The following MYO18B variants were observed in gnomAD, a reference collection of about 807,000 sequenced individuals.
The protein encoded by MYO18B is unconventional myosin-XVIIIb.
In MYO18B, 204 loss-of-function variants were observed where a neutral mutation model predicts 273.0. The ratio of observed to expected loss-of-function variants is 0.75; its 90% CI spans 0.67 to 0.84. The LOEUF (loss-of-function observed/expected upper bound fraction) is 0.84. Ranked by LOEUF, MYO18B falls within the 40% of genes least tolerant of loss-of-function variation. The pLI, the probability that MYO18B is intolerant of heterozygous loss-of-function variation, is 0.00. For missense variants in MYO18B, 3,212 were observed against 3,287.6 expected, an observed-to-expected ratio of 0.98 and a Z score of 0.56; for synonymous variants, 1,330 against 1,305.7, an observed-to-expected ratio of 1.02 and a Z score of -0.40.
chr22:25,938,011 T>G (rs2092601501), intron 34 of MYO18B, among the ~76,000 whole-genome samples: 1 of 152,224 alleles, frequency 6.6e-6, no homozygotes, highest in South Asian at 2.1e-4. Context: ...AGTACCCTGA[T>G]GGGATGTCAA....
At chr22:25,954,604 G>A (rs2092827481) in intron 38 of MYO18B, among the ~76,000 whole-genome samples, 1 of 152,162 alleles carries the variant, frequency 6.6e-6, no homozygotes, top group Non-Finnish European at 1.5e-5. Context: ...CGTGCCCAAG[G>A]TCACATAGCC....
At chr22:25,770,330 T>G (rs1253656369) in intron 5 of MYO18B, among the ~76,000 whole-genome samples, 154 bp downstream of exon 5, 1 of 152,234 alleles carries the variant, frequency 6.6e-6, no homozygotes, top group East Asian at 1.9e-4. Context: ...TGTGTCTTGA[T>G]AATGAGTTAT....
chr22:25,895,079 G>A, intron 27 of MYO18B, 77 bp from the exon 28 acceptor site: 1 of 1,527,834 alleles, frequency 6.5e-7, no homozygotes, highest in Non-Finnish European at 8.9e-7. Context: ...AGCCAAGAAA[G>A]TGGAGGAGAG....
intron 33 of MYO18B, among the ~76,000 whole-genome samples, chr22:25,921,006 C>T (rs2092332167): frequency 6.6e-6 from 1 of 152,154 alleles, no homozygotes; most frequent in Non-Finnish European, 1.5e-5. Flanking sequence ...ACTCATATTT[C>T]TTGTACATTT....
chr22:25,964,605 C>A (rs559506975), intron 39 of MYO18B, among the ~76,000 whole-genome samples: 17 of 152,250 alleles, frequency 1.1e-4, no homozygotes, highest in African/African-American at 4.1e-4. Context: ...CATTTAGTAG[C>A]ATCCCTGTCC....
At chr22:25,746,541 C>T (rs574351224) in intron 1 of MYO18B, among the ~76,000 whole-genome samples, 193 of 152,316 alleles carry the variant, frequency 1.3e-3, no homozygotes, top group African/African-American at 4.4e-3. Context: ...CACCTCCTCT[C>T]CAGTTGTGAC....
chr22:25,942,337 T>G (rs544539119), intron 34 of MYO18B, among the ~76,000 whole-genome samples: 72 of 152,362 alleles, frequency 4.7e-4, no homozygotes, highest in African/African-American at 1.5e-3. Flanking sequence ...CCACCACATT[T>G]GCTCAAACTC....
chr22:25,874,542 G>C, intron 23 of MYO18B, 128 bp downstream of exon 23: 1 of 1,146,592 alleles, frequency 8.7e-7, no homozygotes, highest in Non-Finnish European at 1.2e-6. Context: ...GAGACTTTAA[G>C]TGAGGCTTTG....
At chr22:25,743,241 T>G (rs961878512) in intron 1 of MYO18B, among the ~76,000 whole-genome samples, 1 of 152,242 alleles carries the variant, frequency 6.6e-6, no homozygotes, top group Admixed American at 6.5e-5. Context: ...AGATGCTGCC[T>G]CATTCAGTGC....
intron 24 of MYO18B, among the ~76,000 whole-genome samples, chr22:25,877,719 C>T (rs2091238470): frequency 6.6e-6 from 1 of 152,300 alleles, no homozygotes; most frequent in Admixed American, 6.5e-5. Context: ...CCGCCCGCCT[C>T]AGCCTCCCAA....
At chr22:25,821,945 G>A (rs1264061043) in intron 12 of MYO18B, among the ~76,000 whole-genome samples, 1 of 152,132 alleles carries the variant, frequency 6.6e-6, no homozygotes, top group Non-Finnish European at 1.5e-5. Context: ...ACTTTTTACA[G>A]CAGTTTAGAA....
rs574179791 is a variant in MYO18B at position 25,915,725 on chromosome 22, AG to A, written c.5364+4677del. ...CAATGTAGTATATTTTAGATACTTAAGGTATCCTGATATATTTCCCAGATAA... is the reference window on the plus strand; with the variant it reads ...CAATGTAGTATATTTTAGATACTTAAGTATCCTGATATATTTCCCAGATAA... On this transcript the variant is annotated intron_variant, in intron 33 of 43. Transcript: ENST00000335473. 2.0e-4 allele frequency among the ~76,000 whole-genome samples: 31 copies of A among 152,358 alleles called. No homozygotes were observed. In the South Asian group the frequency reaches 6.2e-3, roughly 31 times the overall value.
chr22:25,990,676 G>C (rs1361680586), intron 39 of MYO18B, among the ~76,000 whole-genome samples: 2 of 83,342 alleles, frequency 2.4e-5, no homozygotes, highest in Non-Finnish European at 4.4e-5. Context: ...AACAGAGCAA[G>C]ACTTTGTCTC....
chr22:26,039,727 C>G, the MYO18B span, among the ~76,000 whole-genome samples: 1 of 152,086 alleles, frequency 6.6e-6, no homozygotes, highest in African/African-American at 2.4e-5. Flanking sequence ...TTTTAGTGTA[C>G]CTGTCACCTG....
intron 34 of MYO18B, among the ~76,000 whole-genome samples, chr22:25,930,871 A>G (rs1018048689): frequency 2.0e-5 from 3 of 152,082 alleles, no homozygotes; most frequent in African/African-American, 7.2e-5. Flanking sequence ...ATACACTGTG[A>G]GCTCCCAGCA....
chr22:26,023,693 G>A (rs1444503979), intron 42 of MYO18B, among the ~76,000 whole-genome samples: 5 of 152,184 alleles, frequency 3.3e-5, no homozygotes, highest in African/African-American at 1.2e-4. Flanking sequence ...GGATGAGACA[G>A]AGCATCCAAG....
chr22:25,814,148 C>T (rs1340351988), intron 12 of MYO18B, among the ~76,000 whole-genome samples: 1 of 152,076 alleles, frequency 6.6e-6, no homozygotes, highest in Admixed American at 6.6e-5. Context: ...AGGACACCTG[C>T]GGGACCCTGA....
intron 12 of MYO18B, among the ~76,000 whole-genome samples, chr22:25,816,535 G>A (rs939411092): frequency 9.1e-5 from 7 of 77,330 alleles, no homozygotes; most frequent in Middle Eastern, 0.014. Flanking sequence ...TGTGTTCCCC[G>A]CCCTGTGTCA....
chr22:26,050,547 C>T, the MYO18B span, among the ~76,000 whole-genome samples: 1 of 152,162 alleles, frequency 6.6e-6, no homozygotes, highest in African/African-American at 2.4e-5. Context: ...TATTAAATGG[C>T]ACTGATAGGC....
Sources: gnomAD v4.1 joint callset for allele counts (sites outside exome capture counted in the v4.1 genomes callset) on GRCh38, gnomAD v4.1.1 for gene constraint, MANE v1.5 for transcripts, NCBI Gene and HGNC (gene_info 2026-07-23, HGNC 2026-07-21) for gene names.